The following FSTL5 variants were observed in gnomAD, a reference collection of about 807,000 sequenced individuals.
FSTL5 encodes follistatin like 5, also known as follistatin-related protein 5.
In FSTL5, 62 loss-of-function variants were observed where a neutral mutation model predicts 89.1. The ratio of observed to expected loss-of-function variants is 0.70; its 90% CI spans 0.57 to 0.86. The LOEUF (loss-of-function observed/expected upper bound fraction) is 0.86. FSTL5 is among the 40% of genes least tolerant of loss of function. The probability of loss-of-function intolerance (pLI) is 0.00; values close to 1 mark genes in which losing one functional copy is unlikely to be tolerated. For synonymous variants in FSTL5, 383 were observed against 346.2 expected (o/e 1.11, Z -1.18); for missense variants, 1,057 against 1,001.6 (o/e 1.06, Z -0.75).
At chr4:161,837,241 T>C (rs1302305972) in intron 4 of FSTL5, among the ~76,000 whole-genome samples, 1 of 152,060 alleles carries the variant, frequency 6.6e-6, no homozygotes, top group African/African-American at 2.4e-5. Flanking sequence ...GAAAGATGCT[T>C]TCCTAAAAAC....
intron 7 of FSTL5, among the ~76,000 whole-genome samples, chr4:161,641,854 T>A (rs1735977898): frequency 6.6e-6 from 1 of 152,104 alleles, no homozygotes; most frequent in South Asian, 2.1e-4. Context: ...AAGGAAATAG[T>A]ACTGATTATA....
chr4:161,471,534 C>T (rs549659268), intron 13 of FSTL5, among the ~76,000 whole-genome samples: 1 of 152,164 alleles, frequency 6.6e-6, no homozygotes, highest in South Asian at 2.1e-4. Flanking sequence ...GTGTTTTTGT[C>T]TGGCTTTAGT....
chr4:161,742,264 G>C (rs1018615064), intron 6 of FSTL5, among the ~76,000 whole-genome samples: 1 of 152,154 alleles, frequency 6.6e-6, no homozygotes, highest in Non-Finnish European at 1.5e-5. Flanking sequence ...TTTTAGGAAG[G>C]ATATTCTTGC....
At chr4:161,773,464 A>G (rs1423739509) in intron 5 of FSTL5, among the ~76,000 whole-genome samples, 1 of 152,144 alleles carries the variant, frequency 6.6e-6, no homozygotes, top group East Asian at 1.9e-4. Context: ...TGACTAATAT[A>G]CAGAATCTGC....
At chr4:161,679,577 A>C (rs1240102650) in intron 6 of FSTL5, among the ~76,000 whole-genome samples, 1 of 151,886 alleles carries the variant, frequency 6.6e-6, no homozygotes, top group African/African-American at 2.4e-5. Context: ...ATACAGTAGA[A>C]TACAAGTATA....
chr4:161,787,411 G>C (rs987599821), intron 4 of FSTL5, among the ~76,000 whole-genome samples: 1 of 151,956 alleles, frequency 6.6e-6, no homozygotes, highest in Non-Finnish European at 1.5e-5. Flanking sequence ...GTGAAGTGAA[G>C]GTCATTACGG....
chr4:161,693,648 T>TTC (rs1738031210), intron 6 of FSTL5, among the ~76,000 whole-genome samples: 1 of 145,108 alleles, frequency 6.9e-6, no homozygotes, highest in African/African-American at 2.5e-5. Flanking sequence ...TTTTTTTTTT[T>TTC]TTTTTTTTGA....
At chr4:161,502,091 G>C (rs1730311804) in intron 11 of FSTL5, among the ~76,000 whole-genome samples, 2 of 151,866 alleles carry the variant, frequency 1.3e-5, no homozygotes, top group African/African-American at 4.8e-5. Context: ...CCAAAATACT[G>C]TTCGAAAATT....
intron 2 of FSTL5, among the ~76,000 whole-genome samples, chr4:162,039,329 C>T (rs1486950963): frequency 6.6e-6 from 1 of 151,642 alleles, no homozygotes; most frequent in African/African-American, 2.4e-5. Context: ...TCCTGATCCC[C>T]ATGTGACTTG....
At chr4:161,387,277 G>T (rs1730679858) in intron 15 of FSTL5, 1 of 151,898 alleles carries the variant, frequency 6.6e-6, no homozygotes, top group South Asian at 2.1e-4. Context: ...GTAGATATTG[G>T]CCAATAGAAT....
At chr4:161,406,413 G>T (rs999297137) in intron 15 of FSTL5, among the ~76,000 whole-genome samples, 2 of 152,060 alleles carry the variant, frequency 1.3e-5, no homozygotes, top group African/African-American at 4.8e-5. Context: ...AATTTATCGA[G>T]ACTTGCTCTG....
intron 8 of FSTL5, among the ~76,000 whole-genome samples, chr4:161,566,199 T>C (rs2126578880): frequency 6.9e-6 from 1 of 143,988 alleles, no homozygotes; most frequent in South Asian, 2.2e-4. Context: ...CACATAATAA[T>C]GTCTTTTGCA....
At chr4:161,956,451 C>T (rs1031559602) in intron 3 of FSTL5, among the ~76,000 whole-genome samples, 13 of 151,754 alleles carry the variant, frequency 8.6e-5, no homozygotes, top group African/African-American at 2.9e-4. Context: ...TTAAAAAGAA[C>T]AATACTGAGA....
chr4:161,498,323 G>GT lies in FSTL5; in HGVS notation c.1458+1692dup, dbSNP rs1730164384. ...AAACTGTCACATCAAATTTTTGCTT[G>GT]TTTTTTTAACTTGAGATTCCAAGTG... On this transcript the variant is annotated intron_variant, in intron 12 of 15. Transcript: ENST00000306100. Among the ~76,000 whole-genome samples, 4 of 151,882 alleles carry GT rather than the reference G, an allele frequency of 2.6e-5. No individual in the cohort carries two copies. In the South Asian group the frequency reaches 6.2e-4, roughly 24 times the overall value.
Position 161,610,961 on chromosome 4 carries a change from A to T in FSTL5, c.895-23386T>A, listed in dbSNP as rs73862340. ...TTCTCATTCATAAGGCAAAATGGCC[A>T]CCACAATTAAATCTTAAGCTTATAG... On this transcript the variant is annotated intron_variant, in intron 7 of 15. Transcript: ENST00000306100. 6.0e-3 allele frequency among the ~76,000 whole-genome samples: 906 copies of T among 151,810 alleles called. 6 individuals carry two copies. Among genetic ancestry groups the T allele is most frequent in the African/African-American group, 0.021 (861 of 41,418 alleles).
At chr4:162,074,850 C>T (rs1329714634) in intron 2 of FSTL5, among the ~76,000 whole-genome samples, 3 of 151,686 alleles carry the variant, frequency 2.0e-5, no homozygotes, top group African/African-American at 7.3e-5. Context: ...ACTTAGCCTA[C>T]TAAACATCAT....
intron 6 of FSTL5, among the ~76,000 whole-genome samples, chr4:161,737,432 C>T: frequency 6.6e-6 from 1 of 151,908 alleles, no homozygotes; most frequent in East Asian, 1.9e-4. Flanking sequence ...GGGAAGAAGA[C>T]CACATAGTTG....
chr4:161,407,553 C>T (rs1731428711), intron 15 of FSTL5, among the ~76,000 whole-genome samples: 1 of 152,104 alleles, frequency 6.6e-6, no homozygotes, highest in South Asian at 2.1e-4. Context: ...CTCTGGAATC[C>T]TAGCTGCAGG....
intron 3 of FSTL5, among the ~76,000 whole-genome samples, chr4:162,005,298 C>T (rs1736585211): frequency 6.6e-6 from 1 of 151,994 alleles, no homozygotes. Context: ...TAGATTATGC[C>T]CCTAGGTTTA....
Sources: gnomAD v4.1 joint callset for allele counts (sites outside exome capture counted in the v4.1 genomes callset) on GRCh38, gnomAD v4.1.1 for gene constraint, MANE v1.5 for transcripts, NCBI Gene and HGNC (gene_info 2026-07-23, HGNC 2026-07-21) for gene names.